The following ZNF804A variants were observed in gnomAD, a reference collection of about 807,000 sequenced individuals.
The protein encoded by ZNF804A is zinc finger protein 804A.
A neutral mutation model predicts 16.5 loss-of-function variants in ZNF804A; 2 were observed. The ratio of observed to expected loss-of-function variants is 0.12; its 90% CI spans 0.05 to 0.38. The LOEUF (loss-of-function observed/expected upper bound fraction) is 0.38, where lower values mean the gene tolerates loss of function less well. ZNF804A is among the 10% of genes least tolerant of loss of function. ZNF804A has a pLI of 0.99. For synonymous variants in ZNF804A, 534 were observed against 489.6 expected, an observed-to-expected ratio of 1.09 and a Z score of -1.20; for missense variants, 1,473 against 1,390.7, an observed-to-expected ratio of 1.06 and a Z score of -0.94.
In ZNF804A at chr2:184,938,476, T is replaced by C; in HGVS notation, c.3080T>C (p.Leu1027Ser). Reference protein sequence around the residue: ...FVTAEQILAPLALPEQALLIP... With the variant: ...FVTAEQILAPSALPEQALLIP... ...ACAGCTGAGCAAATCCTGGCTCCAT[T>C]AGCTTTACCAGAGCAAGCATTATTG... The change falls in exon 4 of 4, where the codon TTA (leucine) becomes TCA (serine). Residue 1027 changes from leucine to serine, a missense_variant. Leu to Ser is a moderately radical substitution (Grantham distance 145). Coordinates refer to ENST00000302277, the MANE Select transcript of ZNF804A (RefSeq NM_194250.2). 1 of 1,614,030 alleles carries C rather than the reference T, an allele frequency of 6.2e-7. No homozygotes were observed. The highest frequency in any genetic ancestry group is 8.5e-7 in the Non-Finnish European group (1 of 1,180,010).
At chr2:184,800,704 A>G (rs1694710786) in intron 1 of ZNF804A, among the ~76,000 whole-genome samples, 1 of 151,910 alleles carries the variant, frequency 6.6e-6, no homozygotes, top group Non-Finnish European at 1.5e-5. Flanking sequence ...TCATCCAATA[A>G]TACCATACTC....
At chr2:184,601,611 T>C (rs914095645) in intron 1 of ZNF804A, among the ~76,000 whole-genome samples, 1 of 151,966 alleles carries the variant, frequency 6.6e-6, no homozygotes, top group East Asian at 1.9e-4. Flanking sequence ...CCCAGTTTTA[T>C]GGAGTAATAA....
chr2:184,674,761 T>G (rs1323025089), intron 1 of ZNF804A, among the ~76,000 whole-genome samples: 1 of 141,226 alleles, frequency 7.1e-6, no homozygotes, highest in Non-Finnish European at 1.6e-5. Context: ...ATACAGATAA[T>G]ATAAAGAAAA....
intron 1 of ZNF804A, among the ~76,000 whole-genome samples, chr2:184,724,937 A>C (rs2105744427): frequency 6.6e-6 from 1 of 151,914 alleles, no homozygotes. Flanking sequence ...CCTAAATTTT[A>C]AGATAAGAGT....
intron 2 of ZNF804A, among the ~76,000 whole-genome samples, chr2:184,896,322 TA>T (rs1216721517): frequency 6.6e-6 from 1 of 152,182 alleles, no homozygotes; most frequent in African/African-American, 2.4e-5. Context: ...TGGTATCATT[TA>T]TACATAAAGA....
chr2:184,662,077 C>T (rs761194844), intron 1 of ZNF804A, among the ~76,000 whole-genome samples: 1 of 152,184 alleles, frequency 6.6e-6, no homozygotes, highest in Non-Finnish European at 1.5e-5. Context: ...TTTTTAGTCT[C>T]AAGTGTTTTA....
chr2:184,867,162 A>C (rs1426672110), intron 2 of ZNF804A, among the ~76,000 whole-genome samples: 1 of 152,058 alleles, frequency 6.6e-6, no homozygotes, highest in Non-Finnish European at 1.5e-5. Flanking sequence ...AATGAGTTTT[A>C]AATAGTAGTG....
At chr2:184,839,793 G>A (rs1695407314) in intron 1 of ZNF804A, among the ~76,000 whole-genome samples, 1 of 151,956 alleles carries the variant, frequency 6.6e-6, no homozygotes, top group Admixed American at 6.6e-5. Flanking sequence ...ACTTTGTTCT[G>A]TAAAAGTTAA....
At chr2:184,700,940 A>C (rs1692909466) in intron 1 of ZNF804A, among the ~76,000 whole-genome samples, 1 of 151,976 alleles carries the variant, frequency 6.6e-6, no homozygotes, top group Non-Finnish European at 1.5e-5. Context: ...CCATCACCTC[A>C]GACATGTATT....
chr2:184,820,439 G>A (rs1430778171), intron 1 of ZNF804A, among the ~76,000 whole-genome samples: 1 of 151,988 alleles, frequency 6.6e-6, no homozygotes, highest in Non-Finnish European at 1.5e-5. Context: ...CGCCATATAT[G>A]ACAAACTTAC....
chr2:184,658,105 T>G (rs1238091904), intron 1 of ZNF804A, among the ~76,000 whole-genome samples: 1 of 152,232 alleles, frequency 6.6e-6, no homozygotes, highest in African/African-American at 2.4e-5. Context: ...TTTACCTCTT[T>G]GGTGAATTTA....
At chr2:184,724,013 A>G (rs2105743883) in intron 1 of ZNF804A, among the ~76,000 whole-genome samples, 1 of 151,832 alleles carries the variant, frequency 6.6e-6, no homozygotes, top group African/African-American at 2.4e-5. Context: ...AGAATCTGTG[A>G]AGTTCAACAT....
At chr2:184,606,559 T>C (rs1691149768) in intron 1 of ZNF804A, among the ~76,000 whole-genome samples, 1 of 152,166 alleles carries the variant, frequency 6.6e-6, no homozygotes, top group Non-Finnish European at 1.5e-5. Context: ...ATGTAGGTAT[T>C]GCTATGAAGG....
intron 1 of ZNF804A, among the ~76,000 whole-genome samples, chr2:184,750,067 C>T (rs370805248): frequency 1.6e-4 from 24 of 151,240 alleles, no homozygotes; most frequent in African/African-American, 4.6e-4. Flanking sequence ...GAAGTTACAT[C>T]GAGACTGTAT....
chr2:184,742,796 A>G (rs1312587911), intron 1 of ZNF804A, among the ~76,000 whole-genome samples: 1 of 151,718 alleles, frequency 6.6e-6, no homozygotes, highest in Non-Finnish European at 1.5e-5. Context: ...GTATATAACT[A>G]TATGTGTGTG....
At chr2:184,922,307 G>A (rs933684165) in intron 2 of ZNF804A, among the ~76,000 whole-genome samples, 1 of 152,084 alleles carries the variant, frequency 6.6e-6, no homozygotes, top group Non-Finnish European at 1.5e-5. Flanking sequence ...ACTGGAGTGG[G>A]ATGATGTCTC....
chr2:184,712,857 C>G (rs1693151141), intron 1 of ZNF804A, among the ~76,000 whole-genome samples: 1 of 151,650 alleles, frequency 6.6e-6, no homozygotes, highest in African/African-American at 2.4e-5. Flanking sequence ...TTTCTCTTTG[C>G]TTCTTTGCAT....
intron 2 of ZNF804A, among the ~76,000 whole-genome samples, chr2:184,900,549 C>T (rs894619491): frequency 2.0e-5 from 3 of 151,906 alleles, no homozygotes; most frequent in Non-Finnish European, 4.4e-5. Flanking sequence ...TTAAATAGTT[C>T]GAACAATTGC....
intron 1 of ZNF804A, among the ~76,000 whole-genome samples, chr2:184,637,768 A>G (rs1691724535): frequency 6.6e-6 from 1 of 152,212 alleles, no homozygotes. Flanking sequence ...ACAACATAAT[A>G]AAAGTTGTAA....
Sources: gnomAD v4.1 joint callset for allele counts (sites outside exome capture counted in the v4.1 genomes callset) on GRCh38, gnomAD v4.1.1 for gene constraint, MANE v1.5 for transcripts, NCBI Gene and HGNC (gene_info 2026-07-23, HGNC 2026-07-21) for gene names.